The following STARD10 variants were observed in gnomAD, a reference collection of about 807,000 sequenced individuals.
The protein encoded by STARD10 is StAR related lipid transfer domain containing 10.
Under a neutral mutation model 36.0 loss-of-function variants are expected in STARD10, and 24 were observed. That is an observed-to-expected ratio of 0.67 (90% CI 0.48 to 0.94). The LOEUF (loss-of-function observed/expected upper bound fraction) is 0.94, where lower values mean the gene tolerates loss of function less well. Among genes scored for constraint, STARD10 ranks in the 40% least tolerant of loss-of-function variants. STARD10 has a pLI of 0.00. For missense variants in STARD10, 335 were observed against 396.6 expected, an observed-to-expected ratio of 0.84 and a Z score of 1.32; for synonymous variants, 156 against 161.9, an observed-to-expected ratio of 0.96 and a Z score of 0.28.
chr11:72,762,993 C>T (rs2135612799), intron 2 of STARD10, among the ~76,000 whole-genome samples: 1 of 152,296 alleles, frequency 6.6e-6, no homozygotes, highest in Admixed American at 6.5e-5. Flanking sequence ...AGGAAGTAAG[C>T]AAATACTCAA....
chr11:72,777,981 T>G (rs959640143), intron 2 of STARD10, among the ~76,000 whole-genome samples: 2 of 152,142 alleles, frequency 1.3e-5, no homozygotes, highest in South Asian at 4.1e-4. Flanking sequence ...AGCAAACACC[T>G]GCAGTTGAGT....
At chr11:72,783,591 A>G (rs1477310850) in intron 1 of STARD10, 2 of 151,548 alleles carry the variant, frequency 1.3e-5, no homozygotes, top group East Asian at 4.0e-4. Flanking sequence ...ATCAGATAAA[A>G]CCCAAAGGGG....
intron 1 of STARD10, among the ~76,000 whole-genome samples, chr11:72,782,986 G>C (rs565222296): frequency 6.6e-6 from 1 of 151,986 alleles, no homozygotes; most frequent in Non-Finnish European, 1.5e-5. Flanking sequence ...CTCCTCTCTG[G>C]TCCTTAGTTT....
intron 2 of STARD10, among the ~76,000 whole-genome samples, chr11:72,765,198 G>A (rs774470238): frequency 1.1e-3 from 170 of 152,262 alleles, no homozygotes; most frequent in African/African-American, 3.6e-3. Flanking sequence ...CCCGAGAGGC[G>A]GAGGTTGCAG....
chr11:72,758,503 C>T (rs377684995), intron 4 of STARD10, 27 bp downstream of exon 4: 21 of 1,569,232 alleles, frequency 1.3e-5, no homozygotes, highest in Admixed American at 3.3e-5. Flanking sequence ...TCCCCTGCTC[C>T]ACCGCAGGGA....
intron 5 of STARD10, 77 bp from the exon 6 acceptor site, chr11:72,755,830 C>A: frequency 7.3e-7 from 1 of 1,379,102 alleles, no homozygotes; most frequent in Non-Finnish European, 9.9e-7. Context: ...CACCCTCTGC[C>A]CAGAGCTTCC....
chr11:72,764,450 G>T (rs183783607), intron 2 of STARD10, among the ~76,000 whole-genome samples: 3 of 152,382 alleles, frequency 2.0e-5, no homozygotes, highest in African/African-American at 7.2e-5. Flanking sequence ...AGACTCTTGT[G>T]GAGGAAGGCC....
At chr11:72,761,902 T>TTTTTCTTTTC (rs1341037163) in intron 2 of STARD10, among the ~76,000 whole-genome samples, 10 of 144,432 alleles carry the variant, frequency 6.9e-5, no homozygotes, top group African/African-American at 2.7e-4. Flanking sequence ...TCTGTATTTC[T>TTTTTCTTTTC]TTTTCTTTTC....
chr11:72,758,894 G>A (rs940355884), intron 3 of STARD10, among the ~76,000 whole-genome samples: 3 of 152,210 alleles, frequency 2.0e-5, no homozygotes, highest in Non-Finnish European at 2.9e-5. Context: ...GTTTGTCTAC[G>A]TGAACGTGAG....
At chr11:72,755,167 T>A (rs1023945987) in intron 6 of STARD10, 25 bp from the exon 7 acceptor site, 1 of 1,598,498 alleles carries the variant, frequency 6.3e-7, no homozygotes, top group African/African-American at 1.3e-5. Flanking sequence ...CCCCGCCGGG[T>A]CAGGGGGTGG....
intron 2 of STARD10, among the ~76,000 whole-genome samples, chr11:72,774,584 C>A (rs936184052): frequency 1.3e-5 from 2 of 152,234 alleles, no homozygotes; most frequent in African/African-American, 4.8e-5. Context: ...TGTCTCAAGC[C>A]CAACACGTAG....
intron 2 of STARD10, chr11:72,765,888 C>G (rs1858782529): frequency 6.6e-6 from 1 of 151,558 alleles, no homozygotes; most frequent in Admixed American, 6.6e-5. Context: ...GGCTGAGACA[C>G]AAGAATCACT....
intron 1 of STARD10, among the ~76,000 whole-genome samples, chr11:72,792,418 G>C (rs930044878): frequency 6.6e-6 from 1 of 152,020 alleles, no homozygotes; most frequent in Non-Finnish European, 1.5e-5. Context: ...TTCATGACTT[G>C]CCTGGGGAGG....
intron 3 of STARD10, 75 bp downstream of exon 3, chr11:72,759,159 G>A (rs183229299): frequency 1.9e-6 from 3 of 1,552,994 alleles, no homozygotes; most frequent in South Asian, 2.3e-5. Context: ...CAGGAGGGAG[G>A]GGGGAAGAGG....
chr11:72,777,265 C>T (rs1192080990), intron 2 of STARD10, among the ~76,000 whole-genome samples: 1 of 152,270 alleles, frequency 6.6e-6, no homozygotes, highest in Non-Finnish European at 1.5e-5. Flanking sequence ...CCTCACAGGC[C>T]ACGTCCTCTG....
chr11:72,755,120 G>A lies in STARD10; in HGVS notation c.653C>T (p.Ala218Val). 6.2e-7 allele frequency: 1 copy of A among 1,613,092 alleles called. No homozygotes were observed. Among genetic ancestry groups the A allele is most frequent in the Non-Finnish European group, 8.5e-7 (1 of 1,179,668 alleles). ...APKAMKKMYK[A>V]CLKYPEWKQK... ...TTTCCACTCGGGGTACTTGAGGCACGCCTTGTACATCTTCTTCATGGCCTG... is the reference window on the plus strand; with the variant it reads ...TTTCCACTCGGGGTACTTGAGGCACACCTTGTACATCTTCTTCATGGCCTG... The change falls in exon 7 of 7, where the codon GCG becomes GTG. Residue 218 changes from alanine (A) to valine (V), a missense_variant. By Grantham distance (64) the Ala-to-Val change is moderately conservative. Transcript: ENST00000334805.
At chr11:72,763,559 TCAGA>T (rs1858748314) in intron 2 of STARD10, among the ~76,000 whole-genome samples, 1 of 152,068 alleles carries the variant, frequency 6.6e-6, no homozygotes, top group Non-Finnish European at 1.5e-5. Context: ...CAAGGGAACC[TCAGA>T]CAAACCCAGA....
chr11:72,774,655 G>C (rs1858907543), intron 2 of STARD10, among the ~76,000 whole-genome samples: 1 of 152,230 alleles, frequency 6.6e-6, no homozygotes, highest in African/African-American at 2.4e-5. Flanking sequence ...CAGGGGCAAA[G>C]GTGAGGGATC....
intron 2 of STARD10, among the ~76,000 whole-genome samples, chr11:72,762,634 G>T (rs560763916): frequency 1.3e-5 from 2 of 152,248 alleles, no homozygotes; most frequent in South Asian, 4.1e-4. Flanking sequence ...GCAGTGAAAG[G>T]AGGAGCCCAC....
Sources: gnomAD v4.1 joint callset for allele counts (sites outside exome capture counted in the v4.1 genomes callset) on GRCh38, gnomAD v4.1.1 for gene constraint, MANE v1.5 for transcripts, NCBI Gene and HGNC (gene_info 2026-07-23, HGNC 2026-07-21) for gene names.